Variants in CCSER1 observed in about 807,000 individuals in gnomAD.
The protein encoded by CCSER1 is coiled-coil serine rich protein 1.
In CCSER1, 41 loss-of-function variants were observed where a neutral mutation model predicts 82.0. That is an observed-to-expected ratio of 0.50 (90% confidence interval 0.39 to 0.65). The LOEUF is 0.65. Ranked by LOEUF, CCSER1 falls within the 30% of genes least tolerant of loss-of-function variation. The pLI is 0.00. For missense variants in CCSER1, 1,119 were observed against 1,064.2 expected (o/e 1.05, Z -0.72); for synonymous variants, 414 against 383.9 (o/e 1.08, Z -0.92).
intron 6 of CCSER1, among the ~76,000 whole-genome samples, chr4:90,681,921 T>C (rs1421216489): frequency 6.6e-6 from 1 of 152,178 alleles, no homozygotes; most frequent in African/African-American, 2.4e-5. Context: ...AAATATCTAA[T>C]GTTTTTGATT....
intron 3 of CCSER1, among the ~76,000 whole-genome samples, chr4:90,366,970 C>A (rs1014161395): frequency 1.3e-5 from 2 of 151,740 alleles, no homozygotes; most frequent in African/African-American, 4.8e-5. Context: ...GCATACAATA[C>A]CATGTCTCTA....
At chr4:91,303,057 T>G (rs2149242167) in intron 10 of CCSER1, among the ~76,000 whole-genome samples, 1 of 152,108 alleles carries the variant, frequency 6.6e-6, no homozygotes, top group African/African-American at 2.4e-5. Flanking sequence ...TAGCCATAAA[T>G]TTATCAATAA....
At chr4:91,421,870 T>C (rs1753702022) in intron 10 of CCSER1, among the ~76,000 whole-genome samples, 1 of 151,474 alleles carries the variant, frequency 6.6e-6, no homozygotes, top group Non-Finnish European at 1.5e-5. Context: ...CTGAGGCAAC[T>C]GAAGGATTTT....
intron 10 of CCSER1, among the ~76,000 whole-genome samples, chr4:91,363,357 T>TGTGTGTG (rs370818925): frequency 5.7e-5 from 8 of 139,548 alleles, no homozygotes; most frequent in African/African-American, 2.4e-4. Context: ...TGGAGATATT[T>TGTGTGTG]TGTGTGTGTG....
At chr4:90,200,061 GACACACACAC>G (rs71596519) in intron 1 of CCSER1, among the ~76,000 whole-genome samples, 2 of 144,952 alleles carry the variant, frequency 1.4e-5, no homozygotes, top group South Asian at 2.2e-4. Flanking sequence ...CGTGCACGCA[GACACACACAC>G]ACACACACAC....
intron 5 of CCSER1, among the ~76,000 whole-genome samples, chr4:90,499,344 A>T (rs567423743): frequency 6.6e-6 from 1 of 152,068 alleles, no homozygotes; most frequent in African/African-American, 2.4e-5. Flanking sequence ...GATCTATTTC[A>T]TGTCTCTATA....
chr4:90,214,547 T>TGACAACTG (rs142294140), intron 1 of CCSER1, among the ~76,000 whole-genome samples: 28,695 of 152,020 alleles, frequency 0.19, 3,061 homozygotes, highest in South Asian at 0.28. Flanking sequence ...TATTTTGACA[T>TGACAACTG]CATGTAGCCA....
At chr4:91,404,017 A>C (rs187525336) in intron 10 of CCSER1, among the ~76,000 whole-genome samples, 3 of 152,206 alleles carry the variant, frequency 2.0e-5, no homozygotes, top group East Asian at 3.9e-4. Context: ...CTGTGAATCC[A>C]TCTGGTCCTG....
chr4:90,949,717 A>G (rs551205097), intron 9 of CCSER1, among the ~76,000 whole-genome samples: 1 of 152,262 alleles, frequency 6.6e-6, no homozygotes, highest in South Asian at 2.1e-4. Context: ...TAGGCAAAAT[A>G]ACTATTATTC....
chr4:91,206,853 G>A (rs1314248819), intron 10 of CCSER1, among the ~76,000 whole-genome samples: 1 of 151,780 alleles, frequency 6.6e-6, no homozygotes, highest in Admixed American at 6.6e-5. Context: ...TTTTGATTTG[G>A]TATATGTTTT....
chr4:90,487,273 A>G (rs1303935762), intron 5 of CCSER1, among the ~76,000 whole-genome samples: 2 of 152,178 alleles, frequency 1.3e-5, no homozygotes, highest in Non-Finnish European at 2.9e-5. Context: ...ACACAGCCAG[A>G]ATTCCTGCTT....
At chr4:91,392,363 GCACA>G (rs142343973) in intron 10 of CCSER1, among the ~76,000 whole-genome samples, 57 of 148,210 alleles carry the variant, frequency 3.8e-4, no homozygotes, top group African/African-American at 1.0e-3. Context: ...ACCTACACAT[GCACA>G]CACACACACA....
intron 10 of CCSER1, among the ~76,000 whole-genome samples, chr4:91,203,752 T>C (rs1305099008): frequency 6.6e-6 from 1 of 151,882 alleles, no homozygotes; most frequent in African/African-American, 2.4e-5. Context: ...AATGTAGATA[T>C]TTTGAATCAA....
intron 10 of CCSER1, among the ~76,000 whole-genome samples, chr4:91,160,182 G>C (rs1056168688): frequency 6.6e-6 from 1 of 152,092 alleles, no homozygotes; most frequent in African/African-American, 2.4e-5. Context: ...TGCTCAGAAT[G>C]ATGGTTTCCA....
intron 6 of CCSER1, among the ~76,000 whole-genome samples, chr4:90,674,253 T>C (rs758002345): frequency 2.0e-5 from 3 of 151,996 alleles, no homozygotes; most frequent in Non-Finnish European, 4.4e-5. Context: ...CTTGCACTAC[T>C]TATGATGGGA....
At chr4:90,906,838 T>C (rs1209927910) in intron 8 of CCSER1, among the ~76,000 whole-genome samples, 2 of 152,098 alleles carry the variant, frequency 1.3e-5, no homozygotes, top group Non-Finnish European at 2.9e-5. Context: ...TTATGGTTGT[T>C]GTATTAGTCA....
intron 8 of CCSER1, among the ~76,000 whole-genome samples, chr4:90,822,468 C>A (rs1237533321): frequency 6.6e-6 from 1 of 152,128 alleles, no homozygotes; most frequent in African/African-American, 2.4e-5. Context: ...GTGACTCACG[C>A]CTGTAATCCC....
chr4:90,492,432 G>A (rs1385583459), intron 5 of CCSER1, among the ~76,000 whole-genome samples: 1 of 151,802 alleles, frequency 6.6e-6, no homozygotes, highest in African/African-American at 2.4e-5. Flanking sequence ...GTCTGGCTAG[G>A]AGACTATCAA....
chr4:90,717,684 A>G (rs1741870403), intron 6 of CCSER1, among the ~76,000 whole-genome samples: 2 of 151,810 alleles, frequency 1.3e-5, no homozygotes, highest in African/African-American at 4.8e-5. Flanking sequence ...TGAAGGACAC[A>G]CATTAGACAC....
Sources: allele counts gnomAD v4.1 joint callset (sites outside exome capture counted in the v4.1 genomes callset), GRCh38; gene constraint gnomAD v4.1.1; transcripts MANE v1.5; gene names NCBI Gene and HGNC (gene_info 2026-07-23, HGNC 2026-07-21).